SMURF1: variants seen among roughly 807,000 people sequenced by gnomAD.
SMURF1 encodes the protein E3 ubiquitin-protein ligase SMURF1.
In SMURF1, 44 loss-of-function variants were observed where a neutral mutation model predicts 98.0. The ratio of observed to expected loss-of-function variants is 0.45; its 90% CI spans 0.35 to 0.58. SMURF1 has a LOEUF of 0.58. Ranked by LOEUF, SMURF1 falls within the 20% of genes least tolerant of loss-of-function variation. The pLI is 0.00. For synonymous variants in SMURF1, 396 were observed against 374.9 expected, an observed-to-expected ratio of 1.06 and a Z score of -0.65; for missense variants, 687 against 938.4, an observed-to-expected ratio of 0.73 and a Z score of 3.50.
At chr7:99,075,992 C>A (rs571453334) in intron 1 of SMURF1, among the ~76,000 whole-genome samples, 1 of 152,252 alleles carries the variant, frequency 6.6e-6, no homozygotes, top group East Asian at 1.9e-4. Flanking sequence ...ATAATTAGCA[C>A]CCAGGTCAGG....
chr7:99,110,895 G>T (rs1395457366), intron 1 of SMURF1, among the ~76,000 whole-genome samples: 1 of 152,176 alleles, frequency 6.6e-6, no homozygotes, highest in African/African-American at 2.4e-5. Context: ...GCGGTCCCCA[G>T]GAAAATAGTA....
At position 99,037,203 on chromosome 7, in the gene SMURF1, G is replaced by T. The variant is rs763087899; in HGVS notation, c.1689-16C>A. The T allele has an allele frequency of 6.2e-7, 1 of 1,613,644 alleles. No homozygotes were observed. The highest frequency in any genetic ancestry group is 1.1e-5 in the South Asian group (1 of 91,064). ...TACATACAACCTGGAAGAAAAACTCGCAAGTTGGATGCAACACCAAGTGGA... is the reference window on the plus strand; with the variant it reads ...TACATACAACCTGGAAGAAAAACTCTCAAGTTGGATGCAACACCAAGTGGA... On this transcript the variant is annotated splice_polypyrimidine_tract_variant and intron_variant, in intron 14 of 17. Coordinates refer to ENST00000361368, the MANE Select transcript of SMURF1 (RefSeq NM_181349.3).
chr7:99,047,679 T>C lies in SMURF1; in HGVS notation c.1152+5A>G. The C allele has an allele frequency of 6.2e-7, 1 of 1,614,214 alleles. No homozygotes were observed. Among genetic ancestry groups the C allele is most frequent in the Non-Finnish European group, 8.5e-7 (1 of 1,180,024 alleles). On this transcript the variant is annotated splice_donor_5th_base_variant and intron_variant, in intron 10 of 17. Coordinates refer to ENST00000361368, the MANE Select transcript of SMURF1 (RefSeq NM_181349.3). Reference sequence around the variant, plus strand: ...GGGTCTGGGCAGTGGCCCTGAACTCTCTACCTCAAAGATTTCTTCTCTGGA... The same window carrying C: ...GGGTCTGGGCAGTGGCCCTGAACTCCCTACCTCAAAGATTTCTTCTCTGGA...
At chr7:99,115,609 A>T (rs1462137920) in intron 1 of SMURF1, among the ~76,000 whole-genome samples, 1 of 152,134 alleles carries the variant, frequency 6.6e-6, no homozygotes, top group Non-Finnish European at 1.5e-5. Flanking sequence ...AACTAGGGAC[A>T]CTACTACTCA....
chr7:99,031,035 A>ATAGC (rs780018394), intron 17 of SMURF1: 3 of 190,050 alleles, frequency 1.6e-5, no homozygotes, highest in Non-Finnish European at 2.2e-5. Context: ...AAACATAACC[A>ATAGC]AGTTACTATT....
chr7:99,083,659 CATT>C (rs1288435519), intron 1 of SMURF1, among the ~76,000 whole-genome samples: 1 of 152,180 alleles, frequency 6.6e-6, no homozygotes, highest in Admixed American at 6.5e-5. Flanking sequence ...ATTCTTAATA[CATT>C]ATTAAAATCC....
chr7:99,064,660 A>G lies in SMURF1; in HGVS notation c.56-2823T>C, dbSNP rs535455768. ...TTGTTGGCATACACTTGTTTGTAAT[A>G]TTCCTTGATAATCAGTATTCCTTGA... is the stretch of plus-strand genomic sequence containing the variant. On this transcript the variant is annotated intron_variant, in intron 1 of 17. Coordinates refer to ENST00000361368, the MANE Select transcript of SMURF1 (RefSeq NM_181349.3). Among the ~76,000 whole-genome samples, 10 of 152,334 alleles carry G rather than the reference A, an allele frequency of 6.6e-5. No homozygotes were observed. The South Asian group carries it at 1.4e-3, about 22-fold the overall frequency.
chr7:99,122,283 G>A (rs540221880), intron 1 of SMURF1, among the ~76,000 whole-genome samples: 2 of 150,778 alleles, frequency 1.3e-5, no homozygotes, highest in African/African-American at 4.9e-5. Flanking sequence ...AGCCGAGATC[G>A]GGCCACCGCA....
At chr7:99,035,772 T>A in intron 15 of SMURF1, 56 bp from the exon 16 acceptor site, 3 of 1,552,116 alleles carry the variant, frequency 1.9e-6, no homozygotes, top group Non-Finnish European at 2.6e-6. Flanking sequence ...CACGTCAGGA[T>A]GCGCCTCCTA....
chr7:99,129,462 GCTCATTGTAGC>G (rs1368370792), intron 1 of SMURF1, among the ~76,000 whole-genome samples: 1 of 152,208 alleles, frequency 6.6e-6, no homozygotes, highest in Non-Finnish European at 1.5e-5. Context: ...CACAATCACA[GCTCATTGTAGC>G]CTCAACCTCT....
chr7:99,073,562 C>T lies in SMURF1; in HGVS notation c.56-11725G>A, dbSNP rs574880665. 1.5e-4 allele frequency among the ~76,000 whole-genome samples: 22 copies of T among 151,324 alleles called. No individual in the cohort carries two copies. The East Asian group carries it at 2.9e-3, about 20-fold the overall frequency. ...GGTGGATCACATGAGGTCAGGAGTT[C>T]GAGACCAGCCTGGCCAACATGGTGA... On this transcript the variant is annotated intron_variant, in intron 1 of 17. Coordinates refer to ENST00000361368, the MANE Select transcript of SMURF1 (RefSeq NM_181349.3).
chr7:99,089,295 G>C (rs1213022028), intron 1 of SMURF1, among the ~76,000 whole-genome samples: 1 of 151,824 alleles, frequency 6.6e-6, no homozygotes, highest in African/African-American at 2.4e-5. Context: ...CCTTAGCATG[G>C]ATCTAAACAC....
chr7:99,040,229 A>G, intron 13 of SMURF1, 149 bp downstream of exon 13: 1 of 865,482 alleles, frequency 1.2e-6, no homozygotes, highest in East Asian at 3.1e-5. Flanking sequence ...CTTCCAAAAA[A>G]TCCCCTTTTT....
intron 1 of SMURF1, among the ~76,000 whole-genome samples, chr7:99,067,569 A>G (rs920179712): frequency 6.6e-6 from 1 of 152,200 alleles, no homozygotes; most frequent in Non-Finnish European, 1.5e-5. Flanking sequence ...AAGCATTTGA[A>G]TACATGGAAA....
rs528807341 is a variant in SMURF1, at chr7:99,049,859, A to G, written c.807-150T>C. 1.1e-4 allele frequency: 74 copies of G among 689,466 alleles called. No homozygotes were observed. In the African/African-American group the frequency reaches 1.3e-3, roughly 12 times the overall value. The allele number at this position is 689,466 out of a possible 1,614,324, so 42.7% of individuals were successfully genotyped here. On this transcript the variant is annotated intron_variant, in intron 8 of 17. Coordinates refer to ENST00000361368, the MANE Select transcript of SMURF1 (RefSeq NM_181349.3). ...GACCTTCGTGGTGCTACTTACGCCA[A>G]ACCTCTACTCAGTCCAGGCCTCTCT...
At chr7:99,089,776 G>A (rs758047195) in intron 1 of SMURF1, among the ~76,000 whole-genome samples, 130 of 152,200 alleles carry the variant, frequency 8.5e-4, no homozygotes, top group Non-Finnish European at 1.5e-3. Context: ...CATTTAACTC[G>A]GTTTGCACTA....
intron 17 of SMURF1, chr7:99,030,902 G>C: frequency 4.6e-6 from 2 of 432,116 alleles, no homozygotes; most frequent in Non-Finnish European, 8.4e-6. Flanking sequence ...GTCTCGCTAG[G>C]TTGCCCAGGC....
intron 1 of SMURF1, among the ~76,000 whole-genome samples, chr7:99,102,270 A>G (rs1422487256): frequency 6.6e-6 from 1 of 152,212 alleles, no homozygotes; most frequent in East Asian, 1.9e-4. Context: ...TGTACATATT[A>G]ATATCCTACG....
intron 1 of SMURF1, among the ~76,000 whole-genome samples, chr7:99,118,766 G>A (rs1328895838): frequency 3.3e-5 from 5 of 152,116 alleles, no homozygotes; most frequent in African/African-American, 4.8e-5. Flanking sequence ...AATTATACAC[G>A]TAAATTTTAT....
Sources: allele counts gnomAD v4.1 joint callset (sites outside exome capture counted in the v4.1 genomes callset), GRCh38; gene constraint gnomAD v4.1.1; transcripts MANE v1.5; gene names NCBI Gene and HGNC (gene_info 2026-07-23, HGNC 2026-07-21).